The following GTF2E2 variants were observed in gnomAD, a reference collection of about 807,000 sequenced individuals.
GTF2E2 encodes the protein general transcription factor IIE subunit 2, also known as transcription initiation factor IIE subunit beta.
In GTF2E2, 21 loss-of-function variants were observed where a neutral mutation model predicts 40.5. That is an observed-to-expected ratio of 0.52 (90% CI 0.37 to 0.75). The LOEUF (loss-of-function observed/expected upper bound fraction) is 0.75. Ranked by LOEUF, GTF2E2 falls within the 30% of genes least tolerant of loss-of-function variation. The pLI is 0.00. For missense variants in GTF2E2, 298 were observed against 338.4 expected (o/e 0.88, Z 0.94); for synonymous variants, 117 against 121.6 (o/e 0.96, Z 0.25).
intron 1 of GTF2E2, chr8:30,657,445 C>T (rs551739441): frequency 2.0e-5 from 3 of 152,306 alleles, no homozygotes; most frequent in Admixed American, 2.0e-4. Context: ...ACCTCAGGAC[C>T]CGGCTATGAA....
intron 3 of GTF2E2, among the ~76,000 whole-genome samples, chr8:30,618,960 T>G (rs1226255370): frequency 6.6e-6 from 1 of 152,188 alleles, no homozygotes; most frequent in Non-Finnish European, 1.5e-5. Context: ...ATTATCTTCT[T>G]TGAGATGTAG....
intron 6 of GTF2E2, among the ~76,000 whole-genome samples, chr8:30,592,052 A>C (rs1828865559): frequency 6.6e-6 from 1 of 152,034 alleles, no homozygotes; most frequent in African/African-American, 2.4e-5. Context: ...CCTCCCTGTG[A>C]TTTCCTCCTT....
chr8:30,619,956 G>T (rs1180163752), intron 3 of GTF2E2, among the ~76,000 whole-genome samples: 4 of 151,882 alleles, frequency 2.6e-5, no homozygotes, highest in Non-Finnish European at 4.4e-5. Flanking sequence ...GAGGGAGGCA[G>T]GAGAGTCCGA....
At chr8:30,613,822 G>C (rs1193526915) in intron 4 of GTF2E2, among the ~76,000 whole-genome samples, 1 of 152,182 alleles carries the variant, frequency 6.6e-6, no homozygotes, top group East Asian at 1.9e-4. Flanking sequence ...ATATTTTAAA[G>C]CGGTAAACAT....
Position 30,578,965 on chromosome 8 carries a change from C to A in GTF2E2, c.832G>T (p.Ala278Ser), listed in dbSNP as rs777361051. The A allele has an allele frequency of 3.1e-6, 5 of 1,609,854 alleles. No individual in the cohort carries two copies. The Admixed American group carries it at 8.3e-5, about 27-fold the overall frequency. Residue 278 changes from alanine (A) to serine (S), a missense_variant, in exon 8 of 8, where the codon GCT becomes TCT. Transcript: ENST00000355904. ...TCAGAGTAATCCTTCAGCACTCCAG[C>A]CAAGTGTTCGTTATGAGTCTTAAAG... ...RRFKTHNEHL[A>S]GVLKDYSDIT...
At chr8:30,622,732 G>T (rs969052749) in intron 3 of GTF2E2, among the ~76,000 whole-genome samples, 1 of 151,986 alleles carries the variant, frequency 6.6e-6, no homozygotes, top group Non-Finnish European at 1.5e-5. Context: ...GCACGTATTT[G>T]CTTTCTCAGG....
intron 2 of GTF2E2, among the ~76,000 whole-genome samples, chr8:30,647,510 G>A (rs1464670283): frequency 1.3e-5 from 2 of 152,154 alleles, no homozygotes; most frequent in East Asian, 1.9e-4. Context: ...GAACCTGGGA[G>A]GCAGAGGTTG....
chr8:30,604,113 G>A (rs760118476), intron 6 of GTF2E2, among the ~76,000 whole-genome samples: 12 of 151,818 alleles, frequency 7.9e-5, no homozygotes, highest in East Asian at 1.9e-4. Flanking sequence ...TAAGGAATGA[G>A]GGGGGGAGAG....
At chr8:30,613,271 T>C (rs759068297) in intron 4 of GTF2E2, among the ~76,000 whole-genome samples, 10 of 152,220 alleles carry the variant, frequency 6.6e-5, no homozygotes, top group Non-Finnish European at 1.2e-4. Context: ...CAACTGGCAA[T>C]GGCAGCTGTG....
At chr8:30,656,221 T>C (rs928815839) in intron 1 of GTF2E2, among the ~76,000 whole-genome samples, 5 of 152,126 alleles carry the variant, frequency 3.3e-5, no homozygotes, top group Non-Finnish European at 7.4e-5. Flanking sequence ...TCCAGCCCAA[T>C]TGTAAGAATG....
intron 3 of GTF2E2, among the ~76,000 whole-genome samples, chr8:30,623,300 GT>G (rs1801168009): frequency 6.6e-6 from 1 of 151,986 alleles, no homozygotes; most frequent in Non-Finnish European, 1.5e-5. Context: ...GCAGTGTTTG[GT>G]TTTTCGTCCT....
At chr8:30,579,900 C>G (rs1298912750) in intron 7 of GTF2E2, among the ~76,000 whole-genome samples, 2 of 152,202 alleles carry the variant, frequency 1.3e-5, no homozygotes, top group Non-Finnish European at 2.9e-5. Flanking sequence ...GACGGCGAGG[C>G]TCACGGAGCA....
chr8:30,654,098 A>G (rs2128731380), intron 1 of GTF2E2, among the ~76,000 whole-genome samples: 1 of 151,902 alleles, frequency 6.6e-6, no homozygotes, highest in Admixed American at 6.6e-5. Context: ...CAAAAAAAAA[A>G]AAAAAAAAGA....
intron 7 of GTF2E2, among the ~76,000 whole-genome samples, chr8:30,579,588 C>G (rs1027611939): frequency 1.3e-5 from 2 of 152,084 alleles, no homozygotes; most frequent in Admixed American, 6.5e-5. Flanking sequence ...TAGGTGAGTC[C>G]TAAAAATTCA....
At chr8:30,585,265 C>T (rs1362224833) in intron 6 of GTF2E2, 3 of 152,186 alleles carry the variant, frequency 2.0e-5, no homozygotes, top group East Asian at 1.9e-4. Context: ...AATAAAGCAC[C>T]GAAAATAATG....
chr8:30,599,679 T>C (rs991543814), intron 6 of GTF2E2, among the ~76,000 whole-genome samples: 10 of 151,348 alleles, frequency 6.6e-5, no homozygotes, highest in African/African-American at 1.2e-4. Flanking sequence ...GAATACCATG[T>C]AGCCATTTAA....
intron 3 of GTF2E2, among the ~76,000 whole-genome samples, chr8:30,622,131 A>AC (rs35868713): frequency 0.87 from 105,969 of 121,296 alleles, 45,851 homozygotes; most frequent in African/African-American, 0.96. Flanking sequence ...CCCTCCCCCC[A>AC]CCCACAACAG....
At chr8:30,657,369 G>A (rs186372299) in intron 1 of GTF2E2, among the ~76,000 whole-genome samples, 1 of 152,136 alleles carries the variant, frequency 6.6e-6, no homozygotes, top group East Asian at 1.9e-4. Context: ...GCCACCATTC[G>A]ACCTCTTTCA....
At chr8:30,651,423 CAAAG>C (rs941200969) in intron 2 of GTF2E2, among the ~76,000 whole-genome samples, 3 of 151,408 alleles carry the variant, frequency 2.0e-5, no homozygotes, top group African/African-American at 7.3e-5. Flanking sequence ...AAAAAAAAAT[CAAAG>C]AAAACAATTT....
Sources: allele counts gnomAD v4.1 joint callset (sites outside exome capture counted in the v4.1 genomes callset), GRCh38; gene constraint gnomAD v4.1.1; transcripts MANE v1.5; gene names NCBI Gene and HGNC (gene_info 2026-07-23, HGNC 2026-07-21).